Variants in RBM24 observed in about 807,000 individuals in gnomAD.
RBM24 encodes the protein RNA binding motif protein 24.
RBM24 carries 5 observed loss-of-function variants against 23.6 expected under a neutral mutation model. The ratio of observed to expected loss-of-function variants is 0.21; its 90% CI spans 0.11 to 0.45. The LOEUF (loss-of-function observed/expected upper bound fraction) is 0.45, where lower values mean the gene tolerates loss of function less well. Ranked by LOEUF, RBM24 falls within the 20% of genes least tolerant of loss-of-function variation. The pLI, the probability that RBM24 is intolerant of heterozygous loss-of-function variation, is 0.99. For missense variants in RBM24, 252 were observed against 314.6 expected (o/e 0.80, Z 1.51); for synonymous variants, 151 against 129.5 (o/e 1.17, Z -1.13).
Position 17,282,937 on chromosome 6 carries a change from T to C in RBM24, c.292+9T>C. ...AAGGATCATGCAACCAGGTGAGAAA[T>C]GTCTGTCTCCCCTACCCCCCTCTCC... On this transcript the variant is annotated intron_variant, in intron 2 of 3. Coordinates refer to ENST00000379052, the MANE Select transcript of RBM24 (RefSeq NM_001143942.2). 1 of 1,604,682 alleles carries C rather than the reference T, an allele frequency of 6.2e-7. No individual in the cohort carries two copies. Among genetic ancestry groups the C allele is most frequent in the Non-Finnish European group, 8.5e-7 (1 of 1,171,704 alleles).
intron 3 of RBM24, chr6:17,289,742 TACCCGCTGGAA>T: frequency 9.5e-7 from 1 of 1,056,836 alleles, no homozygotes; most frequent in Non-Finnish European, 1.1e-6. Flanking sequence ...AAAGACATTT[TACCCGCTGGAA>T]ACCCTTGTCG....
Position 17,281,521 on chromosome 6 carries a change from G to C in RBM24, c.-61G>C. Reference sequence around the variant, plus strand: ...GGGAGACGCGGAGCCGGAGGAGGAGGCGCAGCCGCTGCCCGAGCCGCAGCC... The same window carrying C: ...GGGAGACGCGGAGCCGGAGGAGGAGCCGCAGCCGCTGCCCGAGCCGCAGCC... On this transcript the variant is annotated 5_prime_UTR_variant, in exon 1 of 4. Transcript: ENST00000379052. This position sits in a 1 kb window ranked among gnomAD's most constrained non-coding sequence, Gnocchi z 7.1. 7.1e-7 allele frequency: 1 copy of C among 1,418,116 alleles called. No individual in the cohort carries two copies. The highest frequency in any genetic ancestry group is 1.5e-5 in the African/African-American group (1 of 65,842). The allele number at this position is 1,418,116 out of a possible 1,614,324, so 87.8% of individuals were successfully genotyped here. A position where few individuals can be genotyped will look rare whatever the true frequency, so the allele number is the denominator to read the frequency against.
chr6:17,282,682 AAG>A, intron 1 of RBM24, 121 bp from the exon 2 acceptor site: 1 of 1,355,046 alleles, frequency 7.4e-7, no homozygotes, highest in South Asian at 1.4e-5. Context: ...AAAAGAAGCA[AAG>A]AATAGAAAAA....
intron 1 of RBM24, chr6:17,282,541 A>G (rs558743584): frequency 4.0e-5 from 21 of 529,776 alleles, no homozygotes; most frequent in Non-Finnish European, 7.0e-5. Flanking sequence ...AACACCCTTA[A>G]GATTTCGGCG....
chr6:17,289,390 T>C, intron 3 of RBM24: 1 of 985,406 alleles, frequency 1.0e-6, no homozygotes, highest in Non-Finnish European at 1.2e-6. Context: ...GACGTCTCTT[T>C]AACCTTTGCC....
chr6:17,289,058 T>C (rs1340794693), intron 3 of RBM24: 1 of 985,252 alleles, frequency 1.0e-6, no homozygotes, highest in Non-Finnish European at 1.2e-6. Flanking sequence ...AAAAGGAAAA[T>C]GTAGTAAATT....
At chr6:17,291,288 G>T (rs938239071) in intron 3 of RBM24, among the ~76,000 whole-genome samples, 1 of 151,992 alleles carries the variant, frequency 6.6e-6, no homozygotes, top group African/African-American at 2.4e-5. Flanking sequence ...ACAAACTGGT[G>T]ATCACCCCAC....
Position 17,290,816 on chromosome 6 carries a change from T to C in RBM24, c.348-940T>C, listed in dbSNP as rs762386847. 3.8e-5 allele frequency: 49 copies of C among 1,282,160 alleles called. No homozygotes were observed. In the East Asian group the frequency reaches 2.7e-3, roughly 70 times the overall value. 79.4% of individuals were successfully genotyped at this position (1,282,160 alleles called of 1,614,324 possible). On this transcript the variant is annotated intron_variant, in intron 3 of 3. Transcript: ENST00000379052. ...CTGCCTTTTCCCTCAACCTCATCATTTCCCCAAAACCCCTTCTGTCTGTCT... is the reference window on the plus strand; with the variant it reads ...CTGCCTTTTCCCTCAACCTCATCATCTCCCCAAAACCCCTTCTGTCTGTCT...
At chr6:17,288,920 G>A (rs1760274091) in intron 3 of RBM24, 2 of 985,270 alleles carry the variant, frequency 2.0e-6, no homozygotes, top group African/African-American at 3.5e-5. Context: ...ATGAGATGGA[G>A]TATTTGTCAT....
chr6:17,281,528 C>G lies in RBM24; in HGVS notation c.-54C>G. Reference sequence around the variant, plus strand: ...GCGGAGCCGGAGGAGGAGGCGCAGCCGCTGCCCGAGCCGCAGCCGCAGCCG... The same window carrying G: ...GCGGAGCCGGAGGAGGAGGCGCAGCGGCTGCCCGAGCCGCAGCCGCAGCCG... On this transcript the variant is annotated 5_prime_UTR_variant, in exon 1 of 4. Transcript: ENST00000379052. The surrounding 1 kb of genome is among the most constrained non-coding windows in gnomAD (Gnocchi z 7.1). The G allele has an allele frequency of 1.4e-6, 2 of 1,440,516 alleles. No homozygotes were observed. The highest frequency in any genetic ancestry group is 1.8e-6 in the Non-Finnish European group (2 of 1,096,024). 89.2% of individuals were successfully genotyped at this position (1,440,516 alleles called of 1,614,324 possible).
At chr6:17,283,844 T>C (rs1040679742) in intron 2 of RBM24, among the ~76,000 whole-genome samples, 3 of 152,244 alleles carry the variant, frequency 2.0e-5, no homozygotes, top group Admixed American at 6.5e-5. Context: ...AATATTTTAC[T>C]TAAGTCATGT....
chr6:17,283,475 T>C (rs1382722776), intron 2 of RBM24, among the ~76,000 whole-genome samples: 5 of 152,154 alleles, frequency 3.3e-5, no homozygotes, highest in Admixed American at 6.5e-5. Context: ...TGGAGTGCAA[T>C]GACGCGATCT....
intron 3 of RBM24, chr6:17,289,720 C>T (rs1210893063): frequency 9.5e-7 from 1 of 1,047,366 alleles, no homozygotes; most frequent in Non-Finnish European, 1.2e-6. Context: ...AGATGTTTTA[C>T]TTTGGCCTTA....
chr6:17,281,809 C>A lies in RBM24; in HGVS notation c.168+60C>A. On this transcript the variant is annotated intron_variant, in intron 1 of 3. Transcript: ENST00000379052. This position sits in a 1 kb window ranked among gnomAD's most constrained non-coding sequence, Gnocchi z 7.1. ...CGGAGTGGCGGCTGACCCCGGGGAT[C>A]GGGAGCTTGGAGTGAGGGGCTCGGC... 1 of 1,534,240 alleles carries A rather than the reference C, an allele frequency of 6.5e-7. No individual in the cohort carries two copies. The highest frequency in any genetic ancestry group is 1.2e-5 in the South Asian group (1 of 83,424).
Position 17,282,798 on chromosome 6 carries a change from T to C in RBM24, c.169-7T>C. On this transcript the variant is annotated splice_region_variant and splice_polypyrimidine_tract_variant and intron_variant, in intron 1 of 3. Transcript: ENST00000379052. ...TGTATGTATGTCTGTGTGTGTCTGT[T>C]GCTAAGGTCACCATGGCTGACCGGG... 6.2e-7 allele frequency: 1 copy of C among 1,614,068 alleles called. No homozygotes were observed. The highest frequency in any genetic ancestry group is 8.5e-7 in the Non-Finnish European group (1 of 1,179,934).
chr6:17,292,108 C>T lies in RBM24; in HGVS notation c.700C>T (p.Arg234Ter), dbSNP rs528086973. The change falls in exon 4 of 4, where the codon CGA becomes TGA. Residue 234 changes from arginine to a stop codon, truncating the protein, a stop_gained. Coordinates refer to ENST00000379052, the MANE Select transcript of RBM24 (RefSeq NM_001143942.2). LOFTEE classifies it high-confidence loss of function. ...CCAGCCTCAGCAGCTGCAGACAGAC[C>T]GAATGCAATAGACCAGCCATCTGAT... The part of the protein sequence containing the change: ...QYQPQQLQTD[R>*]MQ 55 of 1,531,028 alleles carry T rather than the reference C, an allele frequency of 3.6e-5. No homozygotes were observed. The East Asian group carries it at 6.2e-4, about 17-fold the overall frequency. 94.8% of individuals were successfully genotyped at this position (1,531,028 alleles called of 1,614,324 possible). A position where few individuals can be genotyped will look rare whatever the true frequency, so the allele number is the denominator to read the frequency against.
At chr6:17,291,645 G>A (rs1760360742) in intron 3 of RBM24, 111 bp from the exon 4 acceptor site, 1 of 1,187,022 alleles carries the variant, frequency 8.4e-7, no homozygotes, top group African/African-American at 1.5e-5. Context: ...TAGATATTGT[G>A]GCAACCCTAT....
chr6:17,288,096 GAC>G (rs1461645981), intron 3 of RBM24: 2 of 209,560 alleles, frequency 9.5e-6, no homozygotes, highest in African/African-American at 4.7e-5. Flanking sequence ...CCAAAACTAA[GAC>G]ACAGAGAGGT....
intron 1 of RBM24, chr6:17,282,560 G>A (rs1187784747): frequency 5.3e-6 from 3 of 565,128 alleles, no homozygotes; most frequent in Non-Finnish European, 9.3e-6. Context: ...CGGTGGGGTG[G>A]GGGGAGGCAG....
Sources: allele counts gnomAD v4.1 joint callset (sites outside exome capture counted in the v4.1 genomes callset), GRCh38; gene constraint gnomAD v4.1.1; non-coding constraint Gnocchi (gnomAD v3.1); transcripts MANE v1.5; gene names NCBI Gene and HGNC (gene_info 2026-07-23, HGNC 2026-07-21).